Variants in DNER observed in about 807,000 individuals in gnomAD.
DNER encodes delta and Notch-like epidermal growth factor-related receptor.
Under a neutral mutation model 78.2 loss-of-function variants are expected in DNER, and 33 were observed. That is an observed-to-expected ratio of 0.42 (90% confidence interval 0.32 to 0.56). The LOEUF (loss-of-function observed/expected upper bound fraction) is 0.56. DNER is among the 20% of genes least tolerant of loss of function. The probability of loss-of-function intolerance (pLI) is 0.11; values close to 1 mark genes in which losing one functional copy is unlikely to be tolerated. For missense variants in DNER, 918 were observed against 975.3 expected, an observed-to-expected ratio of 0.94 and a Z score of 0.78; for synonymous variants, 417 against 384.8, an observed-to-expected ratio of 1.08 and a Z score of -0.98.
chr2:229,542,404 C>A (rs1303569790), intron 5 of DNER, among the ~76,000 whole-genome samples: 1 of 152,128 alleles, frequency 6.6e-6, no homozygotes, highest in East Asian at 1.9e-4. Flanking sequence ...TCACAAACCA[C>A]CCATCAGCTC....
intron 5 of DNER, among the ~76,000 whole-genome samples, chr2:229,524,527 A>G (rs1696163483): frequency 1.3e-5 from 2 of 152,176 alleles, no homozygotes; most frequent in South Asian, 2.1e-4. Context: ...CCTCCTTCCC[A>G]GTTCCTGCAT....
intron 10 of DNER, among the ~76,000 whole-genome samples, chr2:229,395,425 T>A (rs1024138172): frequency 6.6e-6 from 1 of 152,198 alleles, no homozygotes; most frequent in African/African-American, 2.4e-5. Context: ...CTCAGGGGAA[T>A]GTCCTTGCAG....
At chr2:229,458,161 A>AAG (rs1694616143) in intron 7 of DNER, among the ~76,000 whole-genome samples, 1 of 145,074 alleles carries the variant, frequency 6.9e-6, no homozygotes, top group Non-Finnish European at 1.5e-5. Context: ...AAAAAAAAAA[A>AAG]GGAAAGTAAA....
intron 4 of DNER, among the ~76,000 whole-genome samples, chr2:229,574,629 C>A (rs1467863092): frequency 6.6e-6 from 1 of 152,056 alleles, no homozygotes. Context: ...GAGAAGAAAC[C>A]AGTTTTTCTT....
At chr2:229,668,536 GTATATATATA>G (rs1163016191) in intron 1 of DNER, among the ~76,000 whole-genome samples, 42 of 6,970 alleles carry the variant, frequency 6.0e-3, no homozygotes, top group East Asian at 0.02. Flanking sequence ...GTGTGTGTGT[GTATATATATA>G]TATATATATA....
intron 8 of DNER, among the ~76,000 whole-genome samples, chr2:229,429,671 G>A (rs1693964093): frequency 6.6e-6 from 1 of 152,146 alleles, no homozygotes; most frequent in Admixed American, 6.5e-5. Flanking sequence ...AGTTTCACAT[G>A]GTCAGCAAAG....
rs775321653 is a variant in DNER, at chr2:229,591,768, C to G, written c.397G>C (p.Glu133Gln). 2.5e-6 allele frequency: 4 copies of G among 1,614,184 alleles called. No homozygotes were observed. In the East Asian group the frequency reaches 6.7e-5, roughly 27 times the overall value. ...GCTGGGAGACTGGGAAGTGCCTGTT[C>G]ACAGTTGGGACCTTCATAGCCTTCA... Reference protein sequence around the residue: ...CNEGYEGPNCEQALPSLPATG... With the variant: ...CNEGYEGPNCQQALPSLPATG... Residue 133 changes from glutamate (E) to glutamine (Q), a missense_variant, in exon 2 of 13, where the codon GAA becomes CAA. By Grantham distance (29) the Glu-to-Gln change is conservative (BLOSUM62 2). Coordinates refer to ENST00000341772, the MANE Select transcript of DNER (RefSeq NM_139072.4). The surrounding 1 kb of genome is among the most constrained non-coding windows in gnomAD (Gnocchi z 4.6).
chr2:229,505,552 C>A (rs557894622), intron 6 of DNER, among the ~76,000 whole-genome samples: 38 of 152,132 alleles, frequency 2.5e-4, no homozygotes, highest in Non-Finnish European at 2.8e-4. Context: ...GACCTTTGGG[C>A]AAAGTGGAAG....
chr2:229,534,859 G>A (rs942664518), intron 5 of DNER, among the ~76,000 whole-genome samples: 7 of 151,642 alleles, frequency 4.6e-5, no homozygotes, highest in African/African-American at 1.5e-4. Flanking sequence ...ATTTTGAGAT[G>A]GAGTCTTACT....
chr2:229,537,920 A>G (rs1696441092), intron 5 of DNER, among the ~76,000 whole-genome samples: 1 of 152,236 alleles, frequency 6.6e-6, no homozygotes, highest in Non-Finnish European at 1.5e-5. Context: ...ATGTGATTGC[A>G]TTTTCTGTGC....
rs1158205715 is a variant in DNER at position 229,515,651 on chromosome 2, T to A, written c.994-2715A>T. Among the ~76,000 whole-genome samples the A allele has an allele frequency of 8.7e-5, 13 of 149,974 alleles. No homozygotes were observed. In the East Asian group the frequency reaches 2.1e-3, roughly 25 times the overall value. The stretch of plus-strand genomic sequence containing the variant: ...TCAAGTTAGCTTTATTTTTTTATTT[T>A]TTTTTTTTTGAGACAGTCTCACTCT... On this transcript the variant is annotated intron_variant, in intron 5 of 12. Coordinates refer to ENST00000341772, the MANE Select transcript of DNER (RefSeq NM_139072.4).
At chr2:229,634,277 C>A (rs1195650213) in intron 1 of DNER, among the ~76,000 whole-genome samples, 3 of 152,186 alleles carry the variant, frequency 2.0e-5, no homozygotes, top group Non-Finnish European at 4.4e-5. Flanking sequence ...TTCCTTCCTT[C>A]CTTCTTTCCT....
intron 4 of DNER, among the ~76,000 whole-genome samples, chr2:229,568,527 G>A (rs755317679): frequency 6.6e-5 from 10 of 152,094 alleles, no homozygotes; most frequent in African/African-American, 1.4e-4. Flanking sequence ...TACAAGTATC[G>A]CACTAATAGA....
chr2:229,363,278 A>AT (rs1462572026), intron 12 of DNER, among the ~76,000 whole-genome samples: 1 of 152,242 alleles, frequency 6.6e-6, no homozygotes, highest in Non-Finnish European at 1.5e-5. Context: ...GACCCACTCC[A>AT]TGTGCCCTGT....
At chr2:229,606,539 T>C (rs768406025) in intron 1 of DNER, among the ~76,000 whole-genome samples, 53 of 152,092 alleles carry the variant, frequency 3.5e-4, no homozygotes, top group Non-Finnish European at 6.6e-4. Context: ...CATATGAATG[T>C]CCCCTGTGAT....
chr2:229,521,636 C>T (rs1348089587), intron 5 of DNER, among the ~76,000 whole-genome samples: 2 of 152,184 alleles, frequency 1.3e-5, no homozygotes, highest in African/African-American at 4.8e-5. Flanking sequence ...TAGAGTTTAA[C>T]CTCCTACTAA....
intron 4 of DNER, among the ~76,000 whole-genome samples, chr2:229,547,453 G>C (rs911301629): frequency 6.6e-6 from 1 of 152,164 alleles, no homozygotes; most frequent in Non-Finnish European, 1.5e-5. Context: ...TTAGAATTCA[G>C]TTTCTGCTTT....
intron 9 of DNER, among the ~76,000 whole-genome samples, chr2:229,416,828 G>C (rs903853057): frequency 5.3e-5 from 8 of 152,142 alleles, no homozygotes; most frequent in Non-Finnish European, 1.0e-4. Flanking sequence ...CCCTAGCAGA[G>C]AGTCAGGAGG....
At chr2:229,641,485 T>C (rs866030834) in intron 1 of DNER, among the ~76,000 whole-genome samples, 1 of 151,998 alleles carries the variant, frequency 6.6e-6, no homozygotes, top group Admixed American at 6.6e-5. Context: ...TCAAGTTATA[T>C]TGGGAATCTA....
Sources: gnomAD v4.1 joint callset for allele counts (sites outside exome capture counted in the v4.1 genomes callset) on GRCh38, gnomAD v4.1.1 for gene constraint, Gnocchi (gnomAD v3.1) non-coding constraint, MANE v1.5 for transcripts, NCBI Gene and HGNC (gene_info 2026-07-23, HGNC 2026-07-21) for gene names.